PCDHGA5: variants seen among roughly 807,000 people sequenced by gnomAD.
PCDHGA5 encodes the protein protocadherin gamma subfamily A, 5.
PCDHGA5 carries 36 observed loss-of-function variants against 56.7 expected under a neutral mutation model. The observed-to-expected ratio is 0.64, with a 90% CI of 0.49 to 0.84. The LOEUF (loss-of-function observed/expected upper bound fraction) is 0.84. PCDHGA5 is among the 40% of genes least tolerant of loss of function. The probability of loss-of-function intolerance (pLI) is 0.00; values close to 1 mark genes in which losing one functional copy is unlikely to be tolerated. For synonymous variants in PCDHGA5, 563 were observed against 520.2 expected, an observed-to-expected ratio of 1.08 and a Z score of -1.12; for missense variants, 1,305 against 1,201.5, an observed-to-expected ratio of 1.09 and a Z score of -1.27.
chr5:141,384,827 T>A lies in PCDHGA5; in HGVS notation c.2421+18076T>A, dbSNP rs182404532. ...AGAGATGCCCTCAAGCAGAGCCTCG[T>A]GGTGGCCGTCCAGGACCACGGTCAG... On this transcript the variant is annotated intron_variant, in intron 1 of 3. Transcript: ENST00000518069. The A allele has an allele frequency of 2.2e-4, 348 of 1,613,356 alleles. No individual in the cohort carries two copies. The highest frequency in any genetic ancestry group is 2.5e-4 in the Non-Finnish European group (296 of 1,179,908).
chr5:141,468,549 C>T (rs1289802190), intron 1 of PCDHGA5: 2 of 151,940 alleles, frequency 1.3e-5, no homozygotes, highest in Non-Finnish European at 2.9e-5. Flanking sequence ...ACATATTTAA[C>T]ATTTGTGATA....
At chr5:141,399,635 T>C (rs1237333371) in intron 1 of PCDHGA5, 1 of 1,613,746 alleles carries the variant, frequency 6.2e-7, no homozygotes, top group Admixed American at 1.7e-5. Context: ...TACGTGTCCA[T>C]GAGCGCGCAA....
rs2154584583 is a variant in PCDHGA5, at chr5:141,490,717, A to G, written c.2422-4090A>G. The G allele has an allele frequency of 6.2e-7, 1 of 1,613,972 alleles. No individual in the cohort carries two copies. Among genetic ancestry groups the G allele is most frequent in the Non-Finnish European group, 8.5e-7 (1 of 1,179,936 alleles). On this transcript the variant is annotated intron_variant, in intron 1 of 3. Coordinates refer to ENST00000518069, the MANE Select transcript of PCDHGA5 (RefSeq NM_018918.3). The surrounding 1 kb of genome is among the most constrained non-coding windows in gnomAD (Gnocchi z 5.4). ...GGATAATGCCCGCCTCACCTACTCC[A>G]TTGTAGGAAATCAGGTTCAGGGAGC...
In PCDHGA5 at chr5:141,477,486, C is replaced by T. The variant is rs1472326209; in HGVS notation, c.2422-17321C>T. On this transcript the variant is annotated intron_variant, in intron 1 of 3. Coordinates refer to ENST00000518069, the MANE Select transcript of PCDHGA5 (RefSeq NM_018918.3). This position sits in a 1 kb window ranked among gnomAD's most constrained non-coding sequence, Gnocchi z 4.9. ...GACATCAATGACAACCCTCCACAATCTTCTCAATCTTCCTACGACGTTTAC... is the reference window on the plus strand; with the variant it reads ...GACATCAATGACAACCCTCCACAATTTTCTCAATCTTCCTACGACGTTTAC... 6.2e-7 allele frequency: 1 copy of T among 1,614,052 alleles called. No individual in the cohort carries two copies. The highest frequency in any genetic ancestry group is 1.3e-5 in the African/African-American group (1 of 74,914).
intron 1 of PCDHGA5, chr5:141,374,626 C>G (rs748933501): frequency 9.9e-6 from 16 of 1,613,226 alleles, no homozygotes; most frequent in Admixed American, 1.7e-5. Context: ...TCTCAGTGGA[C>G]GTGCAAAGCG....
chr5:141,489,091 T>C lies in PCDHGA5; in HGVS notation c.2422-5716T>C. 1 of 333,052 alleles carries C rather than the reference T, an allele frequency of 3.0e-6. No individual in the cohort carries two copies. The highest frequency in any genetic ancestry group is 5.5e-6 in the Non-Finnish European group (1 of 181,380). 20.6% of individuals were successfully genotyped at this position (333,052 alleles called of 1,614,324 possible). On this transcript the variant is annotated intron_variant, in intron 1 of 3. Coordinates refer to ENST00000518069, the MANE Select transcript of PCDHGA5 (RefSeq NM_018918.3). This position sits in a 1 kb window ranked among gnomAD's most constrained non-coding sequence, Gnocchi z 4.5. ...CTGCCCACCCCCGCCACTCGGTGAC[T>C]AAGAACTGCTGCAAGCAGGCAAACC...
Position 141,489,624 on chromosome 5 carries a change from C to T in PCDHGA5, c.2422-5183C>T. 1 of 1,614,088 alleles carries T rather than the reference C, an allele frequency of 6.2e-7. No homozygotes were observed. On this transcript the variant is annotated intron_variant, in intron 1 of 3. Transcript: ENST00000518069. The surrounding 1 kb of genome is among the most constrained non-coding windows in gnomAD (Gnocchi z 4.5). Reference sequence around the variant, plus strand: ...AGGTAGAGATCCTGGATCTCAATGACAACTCTCCTAGCTTTGCCACCCCTG... The same window carrying T: ...AGGTAGAGATCCTGGATCTCAATGATAACTCTCCTAGCTTTGCCACCCCTG...
intron 1 of PCDHGA5, chr5:141,376,614 T>C: frequency 6.9e-7 from 1 of 1,446,670 alleles, no homozygotes; most frequent in African/African-American, 1.4e-5. Flanking sequence ...CGAACCTCTT[T>C]TGGTACAGGA....
intron 1 of PCDHGA5, chr5:141,376,429 G>A (rs1213536945): frequency 1.9e-5 from 31 of 1,614,088 alleles, no homozygotes; most frequent in Non-Finnish European, 2.5e-5. Context: ...TTATCAACCA[G>A]GAGAGCTATG....
intron 1 of PCDHGA5, among the ~76,000 whole-genome samples, chr5:141,450,166 T>TCCCACCACACC (rs1046248061): frequency 2.0e-5 from 3 of 151,062 alleles, no homozygotes; most frequent in African/African-American, 7.3e-5. Flanking sequence ...GCCACCACAC[T>TCCCACCACACC]CCCACCACAC....
chr5:141,370,754 T>A, intron 1 of PCDHGA5: 1 of 1,613,980 alleles, frequency 6.2e-7, no homozygotes, highest in Non-Finnish European at 8.5e-7. Flanking sequence ...TTCATGTAAC[T>A]GTGCTGATCC....
chr5:141,465,583 A>G (rs1056902823), intron 1 of PCDHGA5, among the ~76,000 whole-genome samples: 10 of 152,162 alleles, frequency 6.6e-5, no homozygotes, highest in African/African-American at 2.4e-4. Flanking sequence ...ACACTCTCAT[A>G]ATAATCAGAT....
chr5:141,374,569 G>A, intron 1 of PCDHGA5: 2 of 1,613,666 alleles, frequency 1.2e-6, no homozygotes, highest in African/African-American at 1.3e-5. Context: ...ACCCTGATGT[G>A]GGAATGAACT....
At position 141,491,969 on chromosome 5, in the gene PCDHGA5, C is replaced by A; in HGVS notation, c.2422-2838C>A. ...CCCCTACACTCAAAAAAGGCCGGGGCCTCCTTCGAGCTTCCGGTGAATTTC... is the reference window on the plus strand; with the variant it reads ...CCCCTACACTCAAAAAAGGCCGGGGACTCCTTCGAGCTTCCGGTGAATTTC... On this transcript the variant is annotated intron_variant, in intron 1 of 3. Coordinates refer to ENST00000518069, the MANE Select transcript of PCDHGA5 (RefSeq NM_018918.3). The surrounding 1 kb of genome is among the most constrained non-coding windows in gnomAD (Gnocchi z 6.9). 1 of 898,714 alleles carries A rather than the reference C, an allele frequency of 1.1e-6. No individual in the cohort carries two copies. Among genetic ancestry groups the A allele is most frequent in the Non-Finnish European group, 1.6e-6 (1 of 629,384 alleles). 55.7% of individuals were successfully genotyped at this position (898,714 alleles called of 1,614,324 possible). A position where few individuals can be genotyped will look rare whatever the true frequency, so the allele number is the denominator to read the frequency against.
At position 141,364,923 on chromosome 5, in the gene PCDHGA5, A is replaced by G. The variant is rs1286445808; in HGVS notation, c.593A>G (p.Gln198Arg). 6.2e-7 allele frequency: 1 copy of G among 1,613,974 alleles called. No individual in the cohort carries two copies. The highest frequency in any genetic ancestry group is 8.5e-7 in the Non-Finnish European group (1 of 1,179,890). The part of the protein sequence containing the change: ...GQKYPELVLE[Q>R]PLDREKETVH... ...AAGTATCCGGAGCTGGTGTTGGAACAGCCCCTAGACCGCGAGAAAGAGACT... is the reference window on the plus strand; with the variant it reads ...AAGTATCCGGAGCTGGTGTTGGAACGGCCCCTAGACCGCGAGAAAGAGACT... Residue 198 changes from glutamine to arginine, a missense_variant, in exon 1 of 4, where the codon CAG becomes CGG. Transcript: ENST00000518069.
chr5:141,403,403 C>G (rs755177334), intron 1 of PCDHGA5: 2 of 1,614,066 alleles, frequency 1.2e-6, no homozygotes, highest in Non-Finnish European at 1.7e-6. Context: ...TCCTGGAGCA[C>G]GTTATCCACT....
intron 1 of PCDHGA5, among the ~76,000 whole-genome samples, chr5:141,464,803 G>A (rs933573443): frequency 1.5e-4 from 23 of 152,092 alleles, no homozygotes; most frequent in African/African-American, 5.1e-4. Context: ...CAGTGATGCA[G>A]TCATAGCTCA....
chr5:141,419,578 G>C (rs1339676992), intron 1 of PCDHGA5: 1 of 1,611,722 alleles, frequency 6.2e-7, no homozygotes. Flanking sequence ...ACGGCTCCGC[G>C]CTCTTCGACA....
chr5:141,370,634 A>G, intron 1 of PCDHGA5: 1 of 1,613,970 alleles, frequency 6.2e-7, no homozygotes, highest in South Asian at 1.1e-5. Context: ...TGAGCCCCGA[A>G]AATGGGAACT....
Sources: gnomAD v4.1 joint callset for allele counts (sites outside exome capture counted in the v4.1 genomes callset) on GRCh38, gnomAD v4.1.1 for gene constraint, Gnocchi (gnomAD v3.1) non-coding constraint, MANE v1.5 for transcripts, NCBI Gene and HGNC (gene_info 2026-07-23, HGNC 2026-07-21) for gene names.